GPR146: variants seen among roughly 807,000 people sequenced by gnomAD.
GPR146 encodes the protein G protein-coupled receptor 146, also known as G-protein coupled receptor 146.
For missense variants in GPR146, 381 were observed against 213.9 expected, an observed-to-expected ratio of 1.78 and a Z score of -4.87; for synonymous variants, 203 against 104.3, an observed-to-expected ratio of 1.95 and a Z score of -5.77.
intron 1 of GPR146, chr7:1,056,769 G>A (rs1009302970): frequency 1.3e-5 from 2 of 151,340 alleles, no homozygotes; most frequent in African/African-American, 2.4e-5. Context: ...ACTCCACTCC[G>A]AGAGTAGGAG....
rs114729762 is a variant in GPR146 at position 1,045,140 on chromosome 7, G to A, written c.-25+482G>A. On this transcript the variant is annotated intron_variant, in intron 1 of 1. Coordinates refer to ENST00000444847, the MANE Select transcript of GPR146 (RefSeq NM_001303473.2). ...GGCTCTTTCAAAGCTTCACTGGAAG[G>A]CAGTGCTCTCCAGCCGCCAAACCAC... Among the ~76,000 whole-genome samples the A allele has an allele frequency of 4.1e-3, 630 of 152,324 alleles. 4 individuals carry two copies. Among genetic ancestry groups the A allele is most frequent in the African/African-American group, 0.015 (607 of 41,564 alleles).
At position 1,057,536 on chromosome 7, in the gene GPR146, C is replaced by T. The variant is rs1307152852; in HGVS notation, c.21C>T (p.Phe7=). 4 of 771,718 alleles carry T rather than the reference C, an allele frequency of 5.2e-6. No individual in the cohort carries two copies. The East Asian group carries it at 9.7e-5, about 19-fold the overall frequency. The allele number at this position is 771,718 out of a possible 1,614,324, so 47.8% of individuals were successfully genotyped here. A position where few individuals can be genotyped will look rare whatever the true frequency, so the allele number is the denominator to read the frequency against. The change falls in exon 2 of 2, where the codon TTC becomes TTT. Residue 7 remains phenylalanine, a synonymous_variant. Coordinates refer to ENST00000444847, the MANE Select transcript of GPR146 (RefSeq NM_001303473.2). MWSCSW[F]NGTGLVEELP... ...CCGCCATGTGGAGCTGCAGCTGGTTCAACGGCACAGGGCTGGTGGAGGAGC... is the reference window on the plus strand; with the variant it reads ...CCGCCATGTGGAGCTGCAGCTGGTTTAACGGCACAGGGCTGGTGGAGGAGC...
At chr7:1,051,677 T>TA (rs1335856165) in intron 1 of GPR146, among the ~76,000 whole-genome samples, 2 of 152,086 alleles carry the variant, frequency 1.3e-5, no homozygotes, top group Non-Finnish European at 2.9e-5. Context: ...GAGAGTTATT[T>TA]AAAAAACAAA....
rs201560571 is a variant in GPR146, at chr7:1,057,512, C to T, written c.-4C>T. ...CGCAGGGTCGCGGAGCCTCGCCGGC[C>T]GCCATGTGGAGCTGCAGCTGGTTCA... On this transcript the variant is annotated 5_prime_UTR_variant, in exon 2 of 2. Transcript: ENST00000444847. The T allele has an allele frequency of 4.4e-4, 336 of 764,220 alleles. 1 individual carries two copies. Among genetic ancestry groups the T allele is most frequent in the Non-Finnish European group, 5.9e-4 (242 of 411,432 alleles). The allele number at this position is 764,220 out of a possible 1,614,324, so 47.3% of individuals were successfully genotyped here.
rs965328989 is a variant in GPR146 at position 1,052,554 on chromosome 7, G to C, written c.-24-4938G>C. 1.3e-5 allele frequency among the ~76,000 whole-genome samples: 2 copies of C among 152,186 alleles called. No individual in the cohort carries two copies. The highest frequency in any genetic ancestry group is 2.9e-5 in the Non-Finnish European group (2 of 68,028). On this transcript the variant is annotated intron_variant, in intron 1 of 1. Coordinates refer to ENST00000444847, the MANE Select transcript of GPR146 (RefSeq NM_001303473.2). This position sits in a 1 kb window ranked among gnomAD's most constrained non-coding sequence, Gnocchi z 4.2. ...GAAGTGGGGGAGCCAGGAAGGAGCA[G>C]CTGCCAGGGACGGCCTGGCCTGGGA...
chr7:1,054,486 A>G (rs1783518139), intron 1 of GPR146, among the ~76,000 whole-genome samples: 1 of 152,182 alleles, frequency 6.6e-6, no homozygotes, highest in Non-Finnish European at 1.5e-5. Context: ...CGCACTCGAG[A>G]GCCGGTTCAG....
At chr7:1,054,242 G>A (rs76471434) in intron 1 of GPR146, among the ~76,000 whole-genome samples, 5,261 of 152,324 alleles carry the variant, frequency 0.035, 115 homozygotes, top group Admixed American at 0.078. Flanking sequence ...CCTTCCAACC[G>A]GCGGAGAGTG....
intron 1 of GPR146, chr7:1,045,760 A>C (rs1782519698): frequency 6.6e-6 from 1 of 152,256 alleles, no homozygotes; most frequent in Non-Finnish European, 1.5e-5. Flanking sequence ...CTCTGAAGAC[A>C]AGTGACTTAA....
chr7:1,055,908 T>TG (rs1306642815), intron 1 of GPR146, among the ~76,000 whole-genome samples: 2 of 152,134 alleles, frequency 1.3e-5, no homozygotes, highest in African/African-American at 2.4e-5. Context: ...AAGTGGAGTC[T>TG]GGGGGGTGAC....
rs185596330 is a variant in GPR146 at position 1,058,286 on chromosome 7, G to A, written c.771G>A (p.Thr257=). The A allele has an allele frequency of 5.9e-5, 46 of 773,740 alleles. 1 individual carries two copies. Among genetic ancestry groups the A allele is most frequent in the South Asian group, 4.6e-4 (34 of 74,628 alleles). The allele number at this position is 773,740 out of a possible 1,614,324, so 47.9% of individuals were successfully genotyped here. A position where few individuals can be genotyped will look rare whatever the true frequency, so the allele number is the denominator to read the frequency against. ...ACTATCTGATCCTGCTGGGGCACACGGTCATCATCTCGCGAGGGAAGCCCG... is the reference window on the plus strand; with the variant it reads ...ACTATCTGATCCTGCTGGGGCACACAGTCATCATCTCGCGAGGGAAGCCCG... ...TPHYLILLGH[T]VIISRGKPVD... The change falls in exon 2 of 2, where the codon ACG becomes ACA. Residue 257 remains threonine (T), a synonymous_variant. Coordinates refer to ENST00000444847, the MANE Select transcript of GPR146 (RefSeq NM_001303473.2).
rs79567787 is a variant in GPR146, at chr7:1,052,836, G to T, written c.-24-4656G>T. Among the ~76,000 whole-genome samples, 236 of 152,242 alleles carry T rather than the reference G, an allele frequency of 1.6e-3. No homozygotes were observed. The highest frequency in any genetic ancestry group is 5.3e-3 in the African/African-American group (219 of 41,538). ...TGCAGCATGGGGTTGGGGGGCAGGC[G>T]GCCCTTCTCTGTGGTCTCTCCTGCC... On this transcript the variant is annotated intron_variant, in intron 1 of 1. Coordinates refer to ENST00000444847, the MANE Select transcript of GPR146 (RefSeq NM_001303473.2). This position sits in a 1 kb window ranked among gnomAD's most constrained non-coding sequence, Gnocchi z 4.2.
chr7:1,055,539 T>G, intron 1 of GPR146: 1 of 434,328 alleles, frequency 2.3e-6, no homozygotes, highest in Non-Finnish European at 4.6e-6. Context: ...CTCTGTGCAG[T>G]ACAGGCAGGA....
chr7:1,046,406 C>T (rs1397290339), intron 1 of GPR146, among the ~76,000 whole-genome samples: 1 of 152,224 alleles, frequency 6.6e-6, no homozygotes, highest in East Asian at 1.9e-4. Flanking sequence ...CCATTCCCTC[C>T]TGCCTGCCAG....
chr7:1,052,426 G>T lies in GPR146; in HGVS notation c.-24-5066G>T, dbSNP rs1352688381. On this transcript the variant is annotated intron_variant, in intron 1 of 1. Transcript: ENST00000444847. The surrounding 1 kb of genome is among the most constrained non-coding windows in gnomAD (Gnocchi z 4.2). ...TGGGTGGCAGGTCTTGAGGAGTCGT[G>T]GGGGAGGGTTTCGGGGGGAGATGCT... Among the ~76,000 whole-genome samples the T allele has an allele frequency of 2.0e-5, 3 of 152,230 alleles. No homozygotes were observed. The highest frequency in any genetic ancestry group is 1.9e-4 in the East Asian group (1 of 5,192).
chr7:1,051,604 C>T (rs544301148), intron 1 of GPR146, among the ~76,000 whole-genome samples: 9 of 152,324 alleles, frequency 5.9e-5, no homozygotes, highest in African/African-American at 1.7e-4. Flanking sequence ...AGATATCTCC[C>T]GCATGTCAGC....
chr7:1,058,625 G>C lies in GPR146; in HGVS notation c.*108G>C. The C allele has an allele frequency of 1.6e-6, 1 of 621,172 alleles. No homozygotes were observed. The highest frequency in any genetic ancestry group is 2.7e-5 in the East Asian group (1 of 37,110). 38.5% of individuals were successfully genotyped at this position (621,172 alleles called of 1,614,324 possible). On this transcript the variant is annotated 3_prime_UTR_variant, in exon 2 of 2. Transcript: ENST00000444847. ...AAGGAGACGAGCTGCTGGAAGAGAA[G>C]CAGGAGGGGTGTTTTTCTTGAAGTT...
intron 1 of GPR146, 148 bp from the exon 2 acceptor site, chr7:1,057,344 A>G: frequency 6.8e-6 from 4 of 591,124 alleles, no homozygotes; most frequent in Admixed American, 3.0e-5. Context: ...GCTCAACTTC[A>G]CTTTCACAGA....
rs780219977 is a variant in GPR146 at position 1,058,266 on chromosome 7, C to T, written c.751C>T (p.Leu251=). 2.6e-6 allele frequency: 2 copies of T among 772,092 alleles called. No homozygotes were observed. Among genetic ancestry groups the T allele is most frequent in the South Asian group, 2.7e-5 (2 of 74,600 alleles). 47.8% of individuals were successfully genotyped at this position (772,092 alleles called of 1,614,324 possible). ...GTTTGGGCTCTGGACGCCACACTAT[C>T]TGATCCTGCTGGGGCACACGGTCAT... The part of the protein sequence containing the change: ...TQFGLWTPHY[L]ILLGHTVIIS... The change falls in exon 2 of 2, where the codon CTG becomes TTG. Residue 251 remains leucine (L), a synonymous_variant. Coordinates refer to ENST00000444847, the MANE Select transcript of GPR146 (RefSeq NM_001303473.2).
At chr7:1,049,936 C>G (rs1782938176) in intron 1 of GPR146, among the ~76,000 whole-genome samples, 1 of 152,184 alleles carries the variant, frequency 6.6e-6, no homozygotes, top group Non-Finnish European at 1.5e-5. Context: ...GGCCTGGCAG[C>G]AGCCAGCAGC....
Sources: allele counts gnomAD v4.1 joint callset (sites outside exome capture counted in the v4.1 genomes callset), GRCh38; gene constraint gnomAD v4.1.1; non-coding constraint Gnocchi (gnomAD v3.1); transcripts MANE v1.5; gene names NCBI Gene and HGNC (gene_info 2026-07-23, HGNC 2026-07-21).